The following ILRUN variants were observed in gnomAD, a reference collection of about 807,000 sequenced individuals.
ILRUN encodes the protein inflammation and lipid regulator with UBA-like and NBR1-like domains.
ILRUN carries 3 observed loss-of-function variants against 33.8 expected under a neutral mutation model. The ratio of observed to expected loss-of-function variants is 0.09; its 90% CI spans 0.04 to 0.23. The LOEUF (loss-of-function observed/expected upper bound fraction) is 0.23. Ranked by LOEUF, ILRUN falls within the 10% of genes least tolerant of loss-of-function variation. The probability of loss-of-function intolerance (pLI) is 1.00; values close to 1 mark genes in which losing one functional copy is unlikely to be tolerated. For missense variants in ILRUN, 210 were observed against 375.1 expected (o/e 0.56, Z 3.64); for synonymous variants, 124 against 138.9 (o/e 0.89, Z 0.75).
chr6:34,648,795 C>CACACAT (rs896684749), intron 2 of ILRUN, among the ~76,000 whole-genome samples: 1 of 152,174 alleles, frequency 6.6e-6, no homozygotes, highest in African/African-American at 2.4e-5. Context: ...TATACATACA[C>CACACAT]ACACATACAC....
intron 1 of ILRUN, among the ~76,000 whole-genome samples, chr6:34,671,154 C>T (rs1172739520): frequency 2.0e-5 from 3 of 152,256 alleles, no homozygotes; most frequent in African/African-American, 7.2e-5. Context: ...GGCGTGTAAT[C>T]CCACCACTTT....
chr6:34,648,583 CT>C (rs979791288), intron 2 of ILRUN, among the ~76,000 whole-genome samples: 4 of 152,202 alleles, frequency 2.6e-5, no homozygotes, highest in Non-Finnish European at 2.9e-5. Context: ...GGATGATATA[CT>C]GACAATACAC....
intron 3 of ILRUN, among the ~76,000 whole-genome samples, chr6:34,608,085 C>T (rs1272966562): frequency 2.0e-5 from 3 of 147,042 alleles, no homozygotes; most frequent in Admixed American, 2.0e-4. Flanking sequence ...ACAGCACCAC[C>T]CTGTCTTAAA....
At chr6:34,664,647 T>G (rs771192519) in intron 1 of ILRUN, among the ~76,000 whole-genome samples, 12 of 152,220 alleles carry the variant, frequency 7.9e-5, no homozygotes, top group Non-Finnish European at 1.8e-4. Context: ...CAGTGTTAAC[T>G]GTAATTTTTG....
intron 2 of ILRUN, among the ~76,000 whole-genome samples, chr6:34,652,778 A>G (rs2127364225): frequency 6.6e-6 from 1 of 152,264 alleles, no homozygotes; most frequent in East Asian, 1.9e-4. Context: ...AAGAAAGTTA[A>G]AACACCTTCG....
intron 3 of ILRUN, among the ~76,000 whole-genome samples, chr6:34,611,810 G>A (rs922059952): frequency 6.6e-6 from 1 of 152,178 alleles, no homozygotes; most frequent in East Asian, 1.9e-4. Context: ...CATAATTTAA[G>A]TTAAAGCAGA....
chr6:34,608,999 C>T (rs141461774), intron 3 of ILRUN, among the ~76,000 whole-genome samples: 97 of 152,208 alleles, frequency 6.4e-4, no homozygotes, highest in African/African-American at 2.2e-3. Context: ...AACACAAATA[C>T]GAAGAACTGT....
At chr6:34,618,553 A>G (rs148478933) in intron 3 of ILRUN, among the ~76,000 whole-genome samples, 223 of 152,290 alleles carry the variant, frequency 1.5e-3, no homozygotes, top group African/African-American at 5.1e-3. Context: ...GCCCTACAAA[A>G]GATGCTTCCC....
chr6:34,694,598 G>GT (rs1763716129), intron 1 of ILRUN, among the ~76,000 whole-genome samples: 3 of 152,142 alleles, frequency 2.0e-5, no homozygotes, highest in Admixed American at 2.0e-4. Flanking sequence ...ATCATCAGAC[G>GT]TAACAGATAC....
At chr6:34,639,567 A>G (rs1019796772) in intron 3 of ILRUN, among the ~76,000 whole-genome samples, 1 of 152,172 alleles carries the variant, frequency 6.6e-6, no homozygotes, top group Non-Finnish European at 1.5e-5. Flanking sequence ...TCTAGCAGGC[A>G]GGAACTCTCT....
At chr6:34,603,652 C>T (rs1431812076) in intron 4 of ILRUN, among the ~76,000 whole-genome samples, 2 of 152,152 alleles carry the variant, frequency 1.3e-5, no homozygotes, top group Non-Finnish European at 2.9e-5. Context: ...AATACATACA[C>T]ACAAACACAA....
chr6:34,686,995 G>A (rs1170878663), intron 1 of ILRUN: 4 of 185,534 alleles, frequency 2.2e-5, no homozygotes, highest in Non-Finnish European at 4.6e-5. Flanking sequence ...TTGTGCTGAG[G>A]CTAGAGTGCA....
intron 3 of ILRUN, among the ~76,000 whole-genome samples, chr6:34,610,376 T>C (rs1039564709): frequency 2.0e-5 from 3 of 152,138 alleles, no homozygotes; most frequent in Non-Finnish European, 4.4e-5. Context: ...GACAATCCAA[T>C]AGCAGGCAGC....
chr6:34,681,143 C>T (rs1267676352), intron 1 of ILRUN, among the ~76,000 whole-genome samples: 4 of 152,020 alleles, frequency 2.6e-5, no homozygotes, highest in Non-Finnish European at 5.9e-5. Context: ...TTCAATCAAT[C>T]ATTAGAAGGT....
intron 3 of ILRUN, among the ~76,000 whole-genome samples, chr6:34,614,752 C>G (rs909881005): frequency 5.3e-5 from 8 of 151,980 alleles, no homozygotes; most frequent in African/African-American, 1.9e-4. Context: ...GGCAAACATA[C>G]TACTTAACCA....
chr6:34,610,733 T>A (rs1038453785), intron 3 of ILRUN, among the ~76,000 whole-genome samples: 3 of 152,244 alleles, frequency 2.0e-5, no homozygotes, highest in Non-Finnish European at 4.4e-5. Context: ...CTACCACCCA[T>A]CTGTTTTAAA....
At chr6:34,685,856 T>G (rs1763505442) in intron 1 of ILRUN, among the ~76,000 whole-genome samples, 1 of 151,936 alleles carries the variant, frequency 6.6e-6, no homozygotes, top group Admixed American at 6.6e-5. Context: ...AAAATTAAGC[T>G]CCACAAAATC....
intron 1 of ILRUN, among the ~76,000 whole-genome samples, chr6:34,681,983 T>C (rs1158600484): frequency 8.0e-5 from 12 of 149,214 alleles, no homozygotes; most frequent in Non-Finnish European, 1.5e-5. Flanking sequence ...TCCCAAGTAG[T>C]TGGGATTACA....
chr6:34,626,922 T>C (rs1056508515), intron 3 of ILRUN, among the ~76,000 whole-genome samples: 1 of 152,044 alleles, frequency 6.6e-6, no homozygotes, highest in Non-Finnish European at 1.5e-5. Context: ...GGGGAATTGC[T>C]TGAACCTGGG....
Sources: gnomAD v4.1 joint callset for allele counts (sites outside exome capture counted in the v4.1 genomes callset) on GRCh38, gnomAD v4.1.1 for gene constraint, MANE v1.5 for transcripts, NCBI Gene and HGNC (gene_info 2026-07-23, HGNC 2026-07-21) for gene names.